The following EYS variants were observed in gnomAD, a reference collection of about 807,000 sequenced individuals.
The protein encoded by EYS is protein eyes shut homolog.
Under a neutral mutation model 282.1 loss-of-function variants are expected in EYS, and 250 were observed. That is an observed-to-expected ratio of 0.89 (90% CI 0.80 to 0.98). EYS has a LOEUF of 0.98. Among genes scored for constraint, EYS ranks in the 50% least tolerant of loss-of-function variants. EYS has a pLI of 0.00. For synonymous variants in EYS, 1,355 were observed against 1,282.9 expected, an observed-to-expected ratio of 1.06 and a Z score of -1.20; for missense variants, 4,016 against 3,709.0, an observed-to-expected ratio of 1.08 and a Z score of -2.15.
At chr6:64,906,513 C>T (rs2150073712) in intron 16 of EYS, among the ~76,000 whole-genome samples, 1 of 152,168 alleles carries the variant, frequency 6.6e-6, no homozygotes, top group African/African-American at 2.4e-5. Flanking sequence ...TACTTGTATA[C>T]CTTAGGTAAT....
intron 31 of EYS, among the ~76,000 whole-genome samples, chr6:64,225,153 C>T (rs1185500302): frequency 6.6e-6 from 1 of 151,974 alleles, no homozygotes; most frequent in African/African-American, 2.4e-5. Context: ...ATTGAACATC[C>T]TTTGATACAT....
At chr6:65,111,475 G>T (rs1775209828) in intron 12 of EYS, among the ~76,000 whole-genome samples, 1 of 151,804 alleles carries the variant, frequency 6.6e-6, no homozygotes, top group Non-Finnish European at 1.5e-5. Flanking sequence ...TCTTTTCTTG[G>T]ATCACCAATT....
At position 65,434,940 on chromosome 6, in the gene EYS, T is replaced by A. The variant is rs531312440; in HGVS notation, c.863-29573A>T. The stretch of plus-strand genomic sequence containing the variant: ...CTATTCCTAGTATTCTTAATATTTA[T>A]TATACATAGGCTCTTGGGGACAGAA... On this transcript the variant is annotated intron_variant, in intron 5 of 42. Coordinates refer to ENST00000503581, the MANE Select transcript of EYS (RefSeq NM_001142800.2). Among the ~76,000 whole-genome samples, 10 of 152,174 alleles carry A rather than the reference T, an allele frequency of 6.6e-5. No homozygotes were observed. The South Asian group carries it at 2.1e-3, about 32-fold the overall frequency.
intron 35 of EYS, among the ~76,000 whole-genome samples, chr6:63,934,912 AT>A: frequency 6.6e-6 from 1 of 152,152 alleles, no homozygotes; most frequent in African/African-American, 2.4e-5. Context: ...AAAAATAAAA[AT>A]AACAAAATAA....
intron 2 of EYS, among the ~76,000 whole-genome samples, chr6:65,516,362 C>T (rs1767135582): frequency 6.6e-6 from 1 of 152,052 alleles, no homozygotes. Context: ...ATCCTCACAG[C>T]TATTTAAGTA....
At chr6:64,770,232 A>G (rs1773482970) in intron 22 of EYS, among the ~76,000 whole-genome samples, 1 of 151,998 alleles carries the variant, frequency 6.6e-6, no homozygotes, top group Non-Finnish European at 1.5e-5. Flanking sequence ...AGAATTATAC[A>G]AGCATATTTC....
chr6:65,266,354 G>A (rs898884273), intron 12 of EYS, among the ~76,000 whole-genome samples: 3 of 151,780 alleles, frequency 2.0e-5, no homozygotes, highest in Admixed American at 6.6e-5. Context: ...AAAGAGGTTT[G>A]ACTCTTACAT....
intron 33 of EYS, among the ~76,000 whole-genome samples, chr6:64,021,455 A>G (rs1254785525): frequency 6.6e-6 from 1 of 151,990 alleles, no homozygotes; most frequent in African/African-American, 2.4e-5. Flanking sequence ...TACAATGCAC[A>G]GGACTGCCTG....
chr6:65,610,073 A>AT (rs991489344), intron 2 of EYS, among the ~76,000 whole-genome samples: 17 of 151,526 alleles, frequency 1.1e-4, no homozygotes, highest in East Asian at 3.9e-4. Flanking sequence ...TAGTTTTTTC[A>AT]TTTTTTTTAT....
At chr6:64,450,315 A>G (rs1775280843) in intron 26 of EYS, among the ~76,000 whole-genome samples, 1 of 152,208 alleles carries the variant, frequency 6.6e-6, no homozygotes, top group African/African-American at 2.4e-5. Context: ...TAACTATCCT[A>G]AATATATATG....
At chr6:65,045,200 C>A (rs1007952312) in intron 13 of EYS, among the ~76,000 whole-genome samples, 27 of 151,840 alleles carry the variant, frequency 1.8e-4, no homozygotes, top group African/African-American at 4.6e-4. Context: ...TGTGTGCTCT[C>A]CTAAGTCCAC....
intron 15 of EYS, among the ~76,000 whole-genome samples, chr6:64,912,946 G>C: frequency 6.6e-6 from 1 of 151,906 alleles, no homozygotes. Context: ...TTACCACCTT[G>C]GCTGAAATAA....
Position 63,879,640 on chromosome 6 carries a change from T to G in EYS, c.7056-15282A>C, listed in dbSNP as rs116290626. Among the ~76,000 whole-genome samples, 1,158 of 152,332 alleles carry G rather than the reference T, an allele frequency of 7.6e-3. 19 individuals carry two copies. The highest frequency in any genetic ancestry group is 0.026 in the African/African-American group (1,087 of 41,586). On this transcript the variant is annotated intron_variant, in intron 35 of 42. Coordinates refer to ENST00000503581, the MANE Select transcript of EYS (RefSeq NM_001142800.2). Reference sequence around the variant, plus strand: ...GCAATTACCACGCATGAAATAGCTATGAAATATCTGTTCATCCTGGGGACA... The same window carrying G: ...GCAATTACCACGCATGAAATAGCTAGGAAATATCTGTTCATCCTGGGGACA...
intron 12 of EYS, among the ~76,000 whole-genome samples, chr6:65,183,506 C>T (rs866252790): frequency 6.6e-6 from 1 of 151,744 alleles, no homozygotes; most frequent in Non-Finnish European, 1.5e-5. Context: ...AAATACATAT[C>T]TTATAGTACT....
chr6:64,383,920 A>C (rs1296373527), intron 29 of EYS, among the ~76,000 whole-genome samples: 1 of 152,186 alleles, frequency 6.6e-6, no homozygotes, highest in African/African-American at 2.4e-5. Context: ...AAACACATTT[A>C]GTGAGGTGCC....
chr6:65,574,288 A>G (rs1258098792), intron 2 of EYS, among the ~76,000 whole-genome samples: 1 of 152,128 alleles, frequency 6.6e-6, no homozygotes, highest in African/African-American at 2.4e-5. Flanking sequence ...TCTCCAATCA[A>G]ATTCGGTCCA....
At chr6:64,088,148 A>C (rs1182025376) in intron 31 of EYS, among the ~76,000 whole-genome samples, 1 of 152,096 alleles carries the variant, frequency 6.6e-6, no homozygotes, top group African/African-American at 2.4e-5. Flanking sequence ...GTTGAAAAAC[A>C]GAACTGCCCT....
chr6:63,867,111 T>C (rs1269767787), intron 35 of EYS, among the ~76,000 whole-genome samples: 2 of 152,166 alleles, frequency 1.3e-5, no homozygotes, highest in Non-Finnish European at 2.9e-5. Context: ...AAGGCAGTGT[T>C]GACCCAGAAA....
At chr6:64,168,988 A>G (rs1764389760) in intron 31 of EYS, among the ~76,000 whole-genome samples, 2 of 152,218 alleles carry the variant, frequency 1.3e-5, no homozygotes, top group South Asian at 4.1e-4. Context: ...ATATAAGAAA[A>G]TTTAACATTT....
Sources: allele counts gnomAD v4.1 joint callset (sites outside exome capture counted in the v4.1 genomes callset), GRCh38; gene constraint gnomAD v4.1.1; transcripts MANE v1.5; gene names NCBI Gene and HGNC (gene_info 2026-07-23, HGNC 2026-07-21).